BACH2: variants seen among roughly 807,000 people sequenced by gnomAD.
BACH2 encodes BACH transcriptional regulator 2, also known as transcription regulator protein BACH2.
BACH2 carries 5 observed loss-of-function variants against 61.8 expected under a neutral mutation model. That is an observed-to-expected ratio of 0.08 (90% confidence interval 0.04 to 0.17). The LOEUF (loss-of-function observed/expected upper bound fraction) is 0.17, where lower values mean the gene tolerates loss of function less well. Among genes scored for constraint, BACH2 ranks in the 10% least tolerant of loss-of-function variants. The pLI, the probability that BACH2 is intolerant of heterozygous loss-of-function variation, is 1.00. For missense variants in BACH2, 824 were observed against 1,091.1 expected (o/e 0.76, Z 3.45); for synonymous variants, 446 against 440.1 (o/e 1.01, Z -0.17).
At chr6:90,048,955 T>C (rs1164177804) in intron 5 of BACH2, among the ~76,000 whole-genome samples, 1 of 152,180 alleles carries the variant, frequency 6.6e-6, no homozygotes, top group Non-Finnish European at 1.5e-5. Flanking sequence ...AGAACCCAAC[T>C]TGCAGGGTTC....
chr6:90,044,385 C>T lies in BACH2; in HGVS notation c.-12-35529G>A, dbSNP rs142304984. Among the ~76,000 whole-genome samples the T allele has an allele frequency of 1.9e-3, 294 of 152,258 alleles. 2 individuals carry two copies. The highest frequency in any genetic ancestry group is 6.6e-3 in the African/African-American group (274 of 41,556). ...AGGAGTAGGCTTGATGCTCTGATGA[C>T]TCAAAAGGCCAGAGTGCATGGAGGA... On this transcript the variant is annotated intron_variant, in intron 5 of 8. Coordinates refer to ENST00000257749, the MANE Select transcript of BACH2 (RefSeq NM_021813.4).
intron 6 of BACH2, among the ~76,000 whole-genome samples, chr6:89,962,979 G>A (rs1774831683): frequency 1.3e-5 from 2 of 152,236 alleles, no homozygotes; most frequent in South Asian, 4.1e-4. Flanking sequence ...GTAAAGGGTT[G>A]ATATATAAAG....
At position 90,239,388 on chromosome 6, in the gene BACH2, T is replaced by C. The variant is rs1272264381; in HGVS notation, c.-275+13125A>G. 3.3e-5 allele frequency among the ~76,000 whole-genome samples: 5 copies of C among 152,298 alleles called. No individual in the cohort carries two copies. The South Asian group carries it at 6.2e-4, about 19-fold the overall frequency. On this transcript the variant is annotated intron_variant, in intron 3 of 8. Coordinates refer to ENST00000257749, the MANE Select transcript of BACH2 (RefSeq NM_021813.4). The stretch of plus-strand genomic sequence containing the variant: ...CACATTAACAGCTGAGAAGAGGCTA[T>C]GAACTTTCTGTTTGAAGGTCAACTA...
chr6:90,004,204 A>C (rs551989113), intron 6 of BACH2, among the ~76,000 whole-genome samples: 1 of 152,334 alleles, frequency 6.6e-6, no homozygotes, highest in East Asian at 1.9e-4. Context: ...CCTGTGGTTA[A>C]GACTTAACAA....
chr6:90,048,792 G>C (rs1779906638), intron 5 of BACH2, among the ~76,000 whole-genome samples: 2 of 152,162 alleles, frequency 1.3e-5, no homozygotes, highest in Non-Finnish European at 2.9e-5. Context: ...ATAATTATGA[G>C]TATGTCTTAA....
chr6:90,241,501 C>T (rs543657394), intron 3 of BACH2, among the ~76,000 whole-genome samples: 5 of 152,274 alleles, frequency 3.3e-5, no homozygotes, highest in African/African-American at 1.2e-4. Flanking sequence ...CTCTCATTTC[C>T]TCATCTACAA....
chr6:90,102,842 A>T (rs886261097), intron 4 of BACH2, among the ~76,000 whole-genome samples: 18 of 119,828 alleles, frequency 1.5e-4, no homozygotes, highest in Admixed American at 1.2e-3. Flanking sequence ...ATAATAATAA[A>T]AATAAAAGGA....
At chr6:89,992,257 T>C (rs1366054866) in intron 6 of BACH2, among the ~76,000 whole-genome samples, 1 of 152,246 alleles carries the variant, frequency 6.6e-6, no homozygotes, top group Non-Finnish European at 1.5e-5. Context: ...TGTATTATTT[T>C]CCCTTCTTTG....
chr6:90,117,636 A>C (rs1228213898), intron 4 of BACH2, among the ~76,000 whole-genome samples: 2 of 152,166 alleles, frequency 1.3e-5, no homozygotes, highest in Non-Finnish European at 2.9e-5. Context: ...CTGCTACCTA[A>C]GACACAACAG....
At chr6:90,048,087 T>C (rs762993638) in intron 5 of BACH2, among the ~76,000 whole-genome samples, 2 of 152,124 alleles carry the variant, frequency 1.3e-5, no homozygotes, top group African/African-American at 4.8e-5. Flanking sequence ...AGTGAGGGTA[T>C]AATAACCGAG....
At chr6:90,186,819 A>G (rs1768373648) in intron 4 of BACH2, among the ~76,000 whole-genome samples, 1 of 152,208 alleles carries the variant, frequency 6.6e-6, no homozygotes, top group African/African-American at 2.4e-5. Flanking sequence ...TACAGATGAT[A>G]GGTTTAGGAA....
chr6:90,290,003 C>T (rs1772132437), intron 1 of BACH2, among the ~76,000 whole-genome samples: 1 of 152,284 alleles, frequency 6.6e-6, no homozygotes, highest in East Asian at 1.9e-4. Context: ...TGGCAGTTAA[C>T]TTCTGTTTTT....
chr6:90,014,208 A>G (rs1042449195), intron 5 of BACH2, among the ~76,000 whole-genome samples: 7 of 150,524 alleles, frequency 4.7e-5, no homozygotes, highest in Non-Finnish European at 1.0e-4. Flanking sequence ...GCCTGGTTTT[A>G]GCATCAGGGT....
chr6:90,070,502 G>A (rs934084825), intron 5 of BACH2, among the ~76,000 whole-genome samples: 3 of 152,164 alleles, frequency 2.0e-5, no homozygotes, highest in African/African-American at 7.2e-5. Flanking sequence ...CATGGCGGTT[G>A]GGGTTGATGT....
At chr6:90,145,429 T>C (rs1784583802) in intron 4 of BACH2, among the ~76,000 whole-genome samples, 1 of 152,178 alleles carries the variant, frequency 6.6e-6, no homozygotes, top group Non-Finnish European at 1.5e-5. Context: ...GAGATAAACT[T>C]AGGAAGATGT....
intron 5 of BACH2, among the ~76,000 whole-genome samples, chr6:90,025,266 C>T (rs1778576585): frequency 6.6e-6 from 1 of 152,144 alleles, no homozygotes. Context: ...GATCATCGCA[C>T]TGGTCTTTTT....
chr6:90,058,456 G>C (rs1780491540), intron 5 of BACH2, among the ~76,000 whole-genome samples: 1 of 152,162 alleles, frequency 6.6e-6, no homozygotes, highest in Admixed American at 6.5e-5. Flanking sequence ...ACAAACCACT[G>C]CTCAGTGAAA....
chr6:90,033,723 A>G (rs1779127453), intron 5 of BACH2, among the ~76,000 whole-genome samples: 1 of 152,204 alleles, frequency 6.6e-6, no homozygotes, highest in African/African-American at 2.4e-5. Context: ...TAAGTTTCTA[A>G]AGGAGACACT....
At chr6:90,137,695 T>C (rs940432778) in intron 4 of BACH2, among the ~76,000 whole-genome samples, 1 of 152,212 alleles carries the variant, frequency 6.6e-6, no homozygotes, top group Non-Finnish European at 1.5e-5. Context: ...ATGTGGCTTT[T>C]ACGGAGAACA....
Sources: gnomAD v4.1 joint callset for allele counts (sites outside exome capture counted in the v4.1 genomes callset) on GRCh38, gnomAD v4.1.1 for gene constraint, MANE v1.5 for transcripts, NCBI Gene and HGNC (gene_info 2026-07-23, HGNC 2026-07-21) for gene names.